The following GPSM2 variants were observed in gnomAD, a reference collection of about 807,000 sequenced individuals.
GPSM2 encodes G protein-signaling modulator 2.
Under a neutral mutation model 78.4 loss-of-function variants are expected in GPSM2, and 58 were observed. The ratio of observed to expected loss-of-function variants is 0.74; its 90% confidence interval spans 0.60 to 0.92. GPSM2 has a LOEUF of 0.92. Ranked by LOEUF, GPSM2 falls within the 40% of genes least tolerant of loss-of-function variation. GPSM2 has a pLI of 0.00. For missense variants in GPSM2, 700 were observed against 815.5 expected, an observed-to-expected ratio of 0.86 and a Z score of 1.73; for synonymous variants, 224 against 280.2, an observed-to-expected ratio of 0.80 and a Z score of 2.00.
intron 8 of GPSM2, among the ~76,000 whole-genome samples, chr1:108,902,494 C>T (rs2101433870): frequency 6.6e-6 from 1 of 152,166 alleles, no homozygotes; most frequent in African/African-American, 2.4e-5. Flanking sequence ...CTAATTGTTG[C>T]CAGCCAGGAA....
At chr1:108,896,526 G>A (rs1648380820) in intron 2 of GPSM2, among the ~76,000 whole-genome samples, 1 of 152,176 alleles carries the variant, frequency 6.6e-6, no homozygotes, top group Admixed American at 6.5e-5. Context: ...CTCTAAGGAA[G>A]TCCAGAGGTC....
At chr1:108,916,535 T>C (rs1293202098) in intron 11 of GPSM2, among the ~76,000 whole-genome samples, 1 of 152,254 alleles carries the variant, frequency 6.6e-6, no homozygotes, top group Non-Finnish European at 1.5e-5. Context: ...ATAAATTTGT[T>C]AAATCCACAA....
chr1:108,893,798 T>C (rs1379505607), intron 2 of GPSM2, among the ~76,000 whole-genome samples: 1 of 152,222 alleles, frequency 6.6e-6, no homozygotes, highest in Non-Finnish European at 1.5e-5. Context: ...CTCACGCCTG[T>C]AATCCCAGCA....
chr1:108,908,739 G>T (rs1214548857), intron 10 of GPSM2, among the ~76,000 whole-genome samples: 2 of 83,194 alleles, frequency 2.4e-5, no homozygotes, highest in Non-Finnish European at 4.8e-5. Flanking sequence ...ACACACACAC[G>T]CCGGGGCAGT....
intron 10 of GPSM2, among the ~76,000 whole-genome samples, chr1:108,913,060 T>C (rs986677523): frequency 6.6e-6 from 1 of 152,162 alleles, no homozygotes; most frequent in African/African-American, 2.4e-5. Flanking sequence ...ATTCAAATGA[T>C]GCAGGGTAAT....
chr1:108,904,493 T>C (rs1649080780), intron 10 of GPSM2, among the ~76,000 whole-genome samples: 1 of 149,776 alleles, frequency 6.7e-6, no homozygotes, highest in Non-Finnish European at 1.5e-5. Flanking sequence ...TTATAGTTTT[T>C]ACCATGAACT....
chr1:108,914,159 T>C (rs1324756137), intron 10 of GPSM2, among the ~76,000 whole-genome samples, 179 bp from the exon 11 acceptor site: 1 of 152,224 alleles, frequency 6.6e-6, no homozygotes, highest in Non-Finnish European at 1.5e-5. Context: ...GAATGTATAT[T>C]CTATTTTTGT....
rs749385907 is a variant in GPSM2, at chr1:108,914,321, AT to A, written c.1193-9del. On this transcript the variant is annotated splice_polypyrimidine_tract_variant and intron_variant, in intron 10 of 14. Transcript: ENST00000264126. ...AGGGCTCCCTGGTTTATTTGAATTA[AT>A]TTTTTTTAAACAAAGGTGTACGCCC... 69 of 1,570,014 alleles carry A rather than the reference AT, an allele frequency of 4.4e-5. No homozygotes were observed. The highest frequency in any genetic ancestry group is 1.7e-4 in the Middle Eastern group (1 of 6,010).
intron 10 of GPSM2, chr1:108,910,004 C>T (rs1458205745): frequency 6.9e-6 from 1 of 145,194 alleles, no homozygotes; most frequent in African/African-American, 2.5e-5. Context: ...TGAAAGAAGG[C>T]AAAAATTAAA....
chr1:108,934,158 C>T lies in GPSM2; in HGVS notation c.*4218C>T, dbSNP rs839851. 52,989 of 153,194 alleles carry T rather than the reference C, an allele frequency of 0.35. 10,935 individuals carry two copies. Among genetic ancestry groups the T allele is most frequent in the African/African-American group, 0.57 (23,631 of 41,456 alleles). 9.5% of individuals were successfully genotyped at this position (153,194 alleles called of 1,614,324 possible). A position where few individuals can be genotyped will look rare whatever the true frequency, so the allele number is the denominator to read the frequency against. ...GCTGTGGAAAAGATGAAACTACAGCCACAGTGACCTGTGGGCAGCCTGCGT... is the reference window on the plus strand; with the variant it reads ...GCTGTGGAAAAGATGAAACTACAGCTACAGTGACCTGTGGGCAGCCTGCGT... On this transcript the variant is annotated 3_prime_UTR_variant, in exon 15 of 15. Transcript: ENST00000264126.
intron 2 of GPSM2, among the ~76,000 whole-genome samples, chr1:108,892,382 G>C (rs1557858876): frequency 6.6e-6 from 1 of 152,088 alleles, no homozygotes; most frequent in African/African-American, 2.4e-5. Flanking sequence ...GTGTGGAAGA[G>C]AAGTTAAAAA....
intron 10 of GPSM2, chr1:108,909,981 CAAAA>C (rs201935324): frequency 5.0e-5 from 5 of 99,236 alleles, no homozygotes; most frequent in East Asian, 6.0e-4. Flanking sequence ...AACAAACAAA[CAAAA>C]AAAAACACTG....
intron 10 of GPSM2, among the ~76,000 whole-genome samples, chr1:108,908,652 A>G (rs1162756226): frequency 2.7e-5 from 4 of 147,876 alleles, no homozygotes; most frequent in Non-Finnish European, 5.9e-5. Flanking sequence ...TCCAGCCGAC[A>G]GAGAGAGACT....
rs1553215430 is a variant in GPSM2, at chr1:108,917,665, TAA to T, written c.1264-946_1264-945del. 7.2e-5 allele frequency among the ~76,000 whole-genome samples: 8 copies of T among 110,438 alleles called. 1 individual carries two copies. The highest frequency in any genetic ancestry group is 3.1e-4 in the South Asian group (1 of 3,206). The allele number at this position is 110,438 out of a possible 152,430, so 72.5% of individuals were successfully genotyped here. ...ATATATATATATATATATATATATA[TAA>T]ATGAGTTCTCACTATGTTGTCCAGG... On this transcript the variant is annotated intron_variant, in intron 11 of 14. Transcript: ENST00000264126.
intron 9 of GPSM2, among the ~76,000 whole-genome samples, chr1:108,903,855 G>A (rs1401282544): frequency 6.6e-6 from 1 of 152,086 alleles, no homozygotes; most frequent in Non-Finnish European, 1.5e-5. Flanking sequence ...GAGAACAAGA[G>A]CAATCTAATG....
intron 10 of GPSM2, among the ~76,000 whole-genome samples, chr1:108,913,451 A>G (rs1273719452): frequency 6.6e-6 from 1 of 152,238 alleles, no homozygotes; most frequent in Non-Finnish European, 1.5e-5. Flanking sequence ...GAATTAAGGT[A>G]TACATGGCAA....
intron 2 of GPSM2, among the ~76,000 whole-genome samples, chr1:108,888,092 C>T (rs1245877324): frequency 6.6e-6 from 1 of 152,190 alleles, no homozygotes; most frequent in Non-Finnish European, 1.5e-5. Context: ...CTCTGTCACC[C>T]AGGCTGGAGT....
At chr1:108,890,475 A>C (rs1023922876) in intron 2 of GPSM2, among the ~76,000 whole-genome samples, 1 of 152,218 alleles carries the variant, frequency 6.6e-6, no homozygotes, top group Non-Finnish European at 1.5e-5. Context: ...ACTTTGCTAT[A>C]GGACTTCACC....
Position 108,898,932 on chromosome 1 carries a change from T to A in GPSM2, c.735T>A (p.Tyr245Ter). The A allele has an allele frequency of 6.2e-7, 1 of 1,613,406 alleles. No individual in the cohort carries two copies. Among genetic ancestry groups the A allele is most frequent in the South Asian group, 1.1e-5 (1 of 91,062 alleles). The change falls in exon 7 of 15, where the codon TAT (tyrosine) becomes TAA (stop). Residue 245 changes from tyrosine (Y) to a stop codon, truncating the protein, a stop_gained. Coordinates refer to ENST00000264126, the MANE Select transcript of GPSM2 (RefSeq NM_013296.5). LOFTEE classifies it high-confidence loss of function. ...ATAAAGCAGCTGAAAGAAGAGCATA[T>A]AGCAACCTTGGAAATGCATATATAT... ...FGDKAAERRA[Y>*]SNLGNAYIFL...
Sources: gnomAD v4.1 joint callset for allele counts (sites outside exome capture counted in the v4.1 genomes callset) on GRCh38, gnomAD v4.1.1 for gene constraint, MANE v1.5 for transcripts, NCBI Gene and HGNC (gene_info 2026-07-23, HGNC 2026-07-21) for gene names.